DYNC2H1: variants seen among roughly 807,000 people sequenced by gnomAD.
The protein encoded by DYNC2H1 is cytoplasmic dynein 2 heavy chain 1.
In DYNC2H1, 410 loss-of-function variants were observed where a neutral mutation model predicts 570.0. The observed-to-expected ratio is 0.72, with a 90% CI of 0.66 to 0.78. The LOEUF (loss-of-function observed/expected upper bound fraction) is 0.78. DYNC2H1 is among the 30% of genes least tolerant of loss of function. The probability of loss-of-function intolerance (pLI) is 0.00; values close to 1 mark genes in which losing one functional copy is unlikely to be tolerated. For synonymous variants in DYNC2H1, 1,688 were observed against 1,677.6 expected, an observed-to-expected ratio of 1.01 and a Z score of -0.15; for missense variants, 4,865 against 5,046.4, an observed-to-expected ratio of 0.96 and a Z score of 1.09.
rs188959186 is a variant in DYNC2H1 at position 103,264,598 on chromosome 11, A to G, written c.10695+4621A>G. Among the ~76,000 whole-genome samples the G allele has an allele frequency of 6.6e-6, 1 of 152,346 alleles. No individual in the cohort carries two copies. The highest frequency in any genetic ancestry group is 2.4e-5 in the African/African-American group (1 of 41,578). ...CAGAACTAATGACAAAAACCACATG[A>G]TTATCTCAATAGATGCAGAAAAGGC... On this transcript the variant is annotated intron_variant, in intron 70 of 88. Coordinates refer to ENST00000375735, the MANE Select transcript of DYNC2H1 (RefSeq NM_001377.3). This position sits in a 1 kb window ranked among gnomAD's most constrained non-coding sequence, Gnocchi z 4.8.
At chr11:103,230,261 A>T (rs1462549604) in intron 59 of DYNC2H1, among the ~76,000 whole-genome samples, 1 of 152,130 alleles carries the variant, frequency 6.6e-6, no homozygotes. Context: ...TTAGTTATTA[A>T]TCGTGAGTTT....
intron 70 of DYNC2H1, among the ~76,000 whole-genome samples, chr11:103,266,335 T>A (rs1865503711): frequency 6.6e-6 from 1 of 152,036 alleles, no homozygotes; most frequent in Non-Finnish European, 1.5e-5. Flanking sequence ...GTGTGCATGA[T>A]CACACTGCAG....
intron 83 of DYNC2H1, among the ~76,000 whole-genome samples, chr11:103,390,565 G>T (rs142702208): frequency 2.0e-5 from 3 of 152,030 alleles, no homozygotes; most frequent in South Asian, 2.1e-4. Context: ...TATTTTGCTC[G>T]TTAGTTGATG....
In DYNC2H1 at chr11:103,205,187, CAACTA is replaced by C. The variant is rs1862878404; in HGVS notation, c.8454+224_8454+228del. On this transcript the variant is annotated intron_variant, in intron 52 of 88. Transcript: ENST00000375735. This position sits in a 1 kb window ranked among gnomAD's most constrained non-coding sequence, Gnocchi z 4.5. ...TGTTCTTAATTAAGGACCCCAGAGA[CAACTA>C]TACTTTAAAATTTTATGGCTTTAAT... Among the ~76,000 whole-genome samples the C allele has an allele frequency of 3.3e-5, 5 of 152,170 alleles. No homozygotes were observed. In the South Asian group the frequency reaches 1.0e-3, roughly 32 times the overall value.
chr11:103,457,570 A>T (rs1028163651), intron 87 of DYNC2H1, among the ~76,000 whole-genome samples: 2 of 85,710 alleles, frequency 2.3e-5, no homozygotes, highest in African/African-American at 7.9e-5. Context: ...AAAACTTAAA[A>T]AATAATGATA....
chr11:103,121,374 T>G lies in DYNC2H1; in HGVS notation c.1363T>G (p.Phe455Val), dbSNP rs2134717452. ...TTTATTTGATTTAAATTTTATAGAT[T>G]TTCGATTAGACTTTGAGAATCGGTG... is the stretch of plus-strand genomic sequence containing the variant. ...LARLVDSIKD[F>V]RLDFENRCRG... The change falls in exon 10 of 89, where the codon TTT (phenylalanine) becomes GTT (valine). Residue 455 changes from phenylalanine (F) to valine (V), a missense_variant and splice_region_variant. Physicochemically the swap from Phe to Val is conservative, Grantham distance 50. Around this residue, in one of 5 missense-constraint regions of DYNC2H1, gnomAD observed 1,936 missense variants for 1,962.1 expected, o/e 0.99. Transcript: ENST00000375735. The G allele has an allele frequency of 1.9e-6, 3 of 1,595,892 alleles. No homozygotes were observed. The highest frequency in any genetic ancestry group is 2.6e-6 in the Non-Finnish European group (3 of 1,173,366).
At chr11:103,246,258 G>A (rs1212950582) in intron 65 of DYNC2H1, among the ~76,000 whole-genome samples, 1 of 152,046 alleles carries the variant, frequency 6.6e-6, no homozygotes, top group Non-Finnish European at 1.5e-5. Context: ...TCAGTTTCTG[G>A]TCCTTCTGTT....
At position 103,345,768 on chromosome 11, in the gene DYNC2H1, G is replaced by A. The variant is rs147381641; in HGVS notation, c.12040-12475G>A. 3.8e-3 allele frequency among the ~76,000 whole-genome samples: 580 copies of A among 152,298 alleles called. 5 individuals are homozygous for A. The highest frequency in any genetic ancestry group is 0.013 in the African/African-American group (555 of 41,556). Reference sequence around the variant, plus strand: ...AAAGTAAATAGATTACTCTGGCAGAGTATGTTTTCTAGAAAATAGACTACT... The same window carrying A: ...AAAGTAAATAGATTACTCTGGCAGAATATGTTTTCTAGAAAATAGACTACT... On this transcript the variant is annotated intron_variant, in intron 82 of 88. Coordinates refer to ENST00000375735, the MANE Select transcript of DYNC2H1 (RefSeq NM_001377.3).
chr11:103,454,471 C>G (rs11225810), intron 85 of DYNC2H1, among the ~76,000 whole-genome samples: 36,383 of 151,770 alleles, frequency 0.24, 4,522 homozygotes, highest in Admixed American at 0.33. Context: ...GCTTATTTGA[C>G]CTTGAGCAAG....
intron 20 of DYNC2H1, among the ~76,000 whole-genome samples, chr11:103,149,056 C>T (rs569845227): frequency 2.0e-5 from 3 of 151,378 alleles, no homozygotes; most frequent in South Asian, 2.1e-4. Context: ...GACTCTGTCT[C>T]GAAATAAATA....
chr11:103,199,187 G>A lies in DYNC2H1; in HGVS notation c.7840-41G>A, dbSNP rs1464464701. The A allele has an allele frequency of 1.6e-5, 21 of 1,330,682 alleles. No individual in the cohort carries two copies. Among genetic ancestry groups the A allele is most frequent in the Non-Finnish European group, 2.0e-5 (20 of 987,704 alleles). The allele number at this position is 1,330,682 out of a possible 1,614,324, so 82.4% of individuals were successfully genotyped here. ...AAGTAACATTTTTATTATGTAATTA[G>A]GGCTTATATTAATTATAAAATATTC... On this transcript the variant is annotated intron_variant, in intron 48 of 88. Coordinates refer to ENST00000375735, the MANE Select transcript of DYNC2H1 (RefSeq NM_001377.3). The surrounding 1 kb of genome is among the most constrained non-coding windows in gnomAD (Gnocchi z 4.6).
chr11:103,215,824 A>G lies in DYNC2H1; in HGVS notation c.8798A>G (p.Asp2933Gly). ...CTTAAAACGAAGCAAGATGAAGCAGATGCTGCCCTTCAAATGATCACAGTG... is the reference window on the plus strand; with the variant it reads ...CTTAAAACGAAGCAAGATGAAGCAGGTGCTGCCCTTCAAATGATCACAGTG... ...VLLKTKQDEADAALQMITVSM... is the reference protein window; with the variant it reads ...VLLKTKQDEAGAALQMITVSM... The change falls in exon 55 of 89, where the codon GAT (aspartate) becomes GGT (glycine). Residue 2933 changes from aspartate to glycine, a missense_variant. Coordinates refer to ENST00000375735, the MANE Select transcript of DYNC2H1 (RefSeq NM_001377.3). 1 of 1,612,792 alleles carries G rather than the reference A, an allele frequency of 6.2e-7. No homozygotes were observed. Among genetic ancestry groups the G allele is most frequent in the Non-Finnish European group, 8.5e-7 (1 of 1,179,280 alleles).
intron 82 of DYNC2H1, among the ~76,000 whole-genome samples, chr11:103,347,203 A>G (rs1243898564): frequency 2.0e-5 from 3 of 152,218 alleles, no homozygotes; most frequent in Admixed American, 6.5e-5. Flanking sequence ...AGTTTAATCA[A>G]TAGGTTAATG....
chr11:103,430,134 A>T, intron 84 of DYNC2H1, among the ~76,000 whole-genome samples: 1 of 152,164 alleles, frequency 6.6e-6, no homozygotes, highest in East Asian at 1.9e-4. Context: ...TTCCATCATT[A>T]AATAGAGAAG....
chr11:103,254,277 C>T lies in DYNC2H1; in HGVS notation c.10206+829C>T, dbSNP rs1463826699. The stretch of plus-strand genomic sequence containing the variant: ...TTGGCAGAATTAATTGACAGAATTG[C>T]TCCTGCTGTGTAAAAGATCTCCACA... On this transcript the variant is annotated intron_variant, in intron 66 of 88. Coordinates refer to ENST00000375735, the MANE Select transcript of DYNC2H1 (RefSeq NM_001377.3). The surrounding 1 kb of genome is among the most constrained non-coding windows in gnomAD (Gnocchi z 4.9). Among the ~76,000 whole-genome samples the T allele has an allele frequency of 6.6e-6, 1 of 152,022 alleles. No individual in the cohort carries two copies. Among genetic ancestry groups the T allele is most frequent in the African/African-American group, 2.4e-5 (1 of 41,390 alleles).
chr11:103,288,907 T>TAAA (rs1866473614), intron 75 of DYNC2H1, among the ~76,000 whole-genome samples: 1 of 140,032 alleles, frequency 7.1e-6, no homozygotes, highest in Non-Finnish European at 1.6e-5. Flanking sequence ...GAAAGAAAAT[T>TAAA]ATGGTTTAGG....
rs1864516138 is a variant in DYNC2H1 at position 103,243,965 on chromosome 11, A to G, written c.9918+174A>G. On this transcript the variant is annotated intron_variant, in intron 64 of 88. Transcript: ENST00000375735. This position sits in a 1 kb window ranked among gnomAD's most constrained non-coding sequence, Gnocchi z 4.8. ...TCTAATTTGTAAAAAATAGATAAGA[A>G]TATTTATTTGATTCTGGGTATTGAT... Among the ~76,000 whole-genome samples the G allele has an allele frequency of 1.3e-5, 2 of 152,034 alleles. No individual in the cohort carries two copies. The highest frequency in any genetic ancestry group is 4.8e-5 in the African/African-American group (2 of 41,450).
rs767993937 is a variant in DYNC2H1, at chr11:103,155,357, G to C, written c.3600G>C (p.Val1200=). ...YKIVIPILKY[V]RGEHLSPDHW... ...TCGTAATTCCTATCTTGAAATATGT[G>C]AGAGGGGAGCATCTTTCTCCAGATC... The change falls in exon 25 of 89, where the codon GTG becomes GTC. Residue 1200 remains valine, a synonymous_variant. Transcript: ENST00000375735. 25 of 1,606,628 alleles carry C rather than the reference G, an allele frequency of 1.6e-5. No homozygotes were observed. In the South Asian group the frequency reaches 2.8e-4, roughly 18 times the overall value.
intron 43 of DYNC2H1, 57 bp downstream of exon 43, chr11:103,187,643 A>G: frequency 4.5e-6 from 7 of 1,569,336 alleles, no homozygotes; most frequent in Non-Finnish European, 5.2e-6. Context: ...AATTTCATTA[A>G]CTTTTCTTAG....
Sources: allele counts gnomAD v4.1 joint callset (sites outside exome capture counted in the v4.1 genomes callset), GRCh38; gene constraint gnomAD v4.1.1; regional missense constraint gnomAD v4.1.1; non-coding constraint Gnocchi (gnomAD v3.1); transcripts MANE v1.5; gene names NCBI Gene and HGNC (gene_info 2026-07-23, HGNC 2026-07-21).